Variants in KPNA3 observed in about 807,000 individuals in gnomAD.
KPNA3 encodes karyopherin subunit alpha 3.
Under a neutral mutation model 73.8 loss-of-function variants are expected in KPNA3, and 13 were observed. The observed-to-expected ratio is 0.18, with a 90% confidence interval of 0.11 to 0.28. The LOEUF is 0.28. Ranked by LOEUF, KPNA3 falls within the 10% of genes least tolerant of loss-of-function variation. The probability of loss-of-function intolerance (pLI) is 1.00; values close to 1 mark genes in which losing one functional copy is unlikely to be tolerated. For synonymous variants in KPNA3, 186 were observed against 206.9 expected (o/e 0.90, Z 0.87); for missense variants, 360 against 618.1 (o/e 0.58, Z 4.43).
At chr13:49,769,735 C>T (rs1302874895) in intron 1 of KPNA3, among the ~76,000 whole-genome samples, 1 of 152,190 alleles carries the variant, frequency 6.6e-6, no homozygotes, top group Non-Finnish European at 1.5e-5. Context: ...AATGCTATAA[C>T]AAGCATTCAT....
intron 15 of KPNA3, among the ~76,000 whole-genome samples, chr13:49,702,869 A>AT (rs1046212995): frequency 6.0e-5 from 9 of 150,144 alleles, no homozygotes; most frequent in South Asian, 2.1e-4. Context: ...TTACTAATCT[A>AT]TTTTTTTTTT....
At chr13:49,726,160 C>A (rs931603351) in intron 6 of KPNA3, among the ~76,000 whole-genome samples, 3 of 152,134 alleles carry the variant, frequency 2.0e-5, no homozygotes, top group Non-Finnish European at 4.4e-5. Flanking sequence ...CTAGTTGAGG[C>A]CCTCATCATC....
chr13:49,725,013 C>A (rs942412236), intron 7 of KPNA3, among the ~76,000 whole-genome samples: 1 of 152,186 alleles, frequency 6.6e-6, no homozygotes, highest in Non-Finnish European at 1.5e-5. Flanking sequence ...ACTATAATAA[C>A]GTACGTGGTG....
intron 7 of KPNA3, among the ~76,000 whole-genome samples, chr13:49,723,080 TCA>T (rs1954374812): frequency 2.0e-5 from 1 of 48,884 alleles, no homozygotes; most frequent in Non-Finnish European, 5.3e-5. Context: ...GTGCACTACC[TCA>T]TTTTTTTTTT....
chr13:49,723,981 T>C (rs1954385207), intron 7 of KPNA3, among the ~76,000 whole-genome samples: 1 of 152,184 alleles, frequency 6.6e-6, no homozygotes, highest in Non-Finnish European at 1.5e-5. Flanking sequence ...AACCATTAAA[T>C]ATCTGCTTTC....
intron 1 of KPNA3, among the ~76,000 whole-genome samples, chr13:49,763,345 A>G (rs1347538525): frequency 6.6e-6 from 1 of 152,202 alleles, no homozygotes; most frequent in Non-Finnish European, 1.5e-5. Context: ...GACAGGTCAG[A>G]AGAAACCGTC....
intron 5 of KPNA3, 60 bp from the exon 6 acceptor site, chr13:49,732,526 C>T (rs1954479630): frequency 6.9e-7 from 1 of 1,449,750 alleles, no homozygotes. Context: ...AAAGAAATAA[C>T]AACATATTAA....
chr13:49,773,440 ATATAAT>A (rs759662559), intron 1 of KPNA3, among the ~76,000 whole-genome samples: 1 of 152,186 alleles, frequency 6.6e-6, no homozygotes, highest in Non-Finnish European at 1.5e-5. Context: ...TTTTTCGATG[ATATAAT>A]TACCAATGTC....
intron 1 of KPNA3, among the ~76,000 whole-genome samples, chr13:49,756,668 C>A (rs1273682336): frequency 6.6e-6 from 1 of 152,120 alleles, no homozygotes; most frequent in Non-Finnish European, 1.5e-5. Flanking sequence ...TAATGCAATT[C>A]CTATCAAAAT....
rs1348216342 is a variant in KPNA3, at chr13:49,792,640, G to A, written c.-134C>T. On this transcript the variant is annotated 5_prime_UTR_variant, in exon 1 of 17. Coordinates refer to ENST00000261667, the MANE Select transcript of KPNA3 (RefSeq NM_002267.4). Reference sequence around the variant, plus strand: ...GAAGAGCACGTTCTGTGACGCCTCCGAGCGCGAGGTGGCAGTAGCGCCGGG... The same window carrying A: ...GAAGAGCACGTTCTGTGACGCCTCCAAGCGCGAGGTGGCAGTAGCGCCGGG... The A allele has an allele frequency of 2.0e-6, 1 of 505,678 alleles. No individual in the cohort carries two copies. The highest frequency in any genetic ancestry group is 3.3e-6 in the Non-Finnish European group (1 of 298,982). 31.3% of individuals were successfully genotyped at this position (505,678 alleles called of 1,614,324 possible).
At chr13:49,757,427 T>C (rs1954721194) in intron 1 of KPNA3, among the ~76,000 whole-genome samples, 1 of 152,112 alleles carries the variant, frequency 6.6e-6, no homozygotes, top group Non-Finnish European at 1.5e-5. Context: ...GATATACACA[T>C]GGCAAATAAG....
chr13:49,768,890 T>G (rs974113276), intron 1 of KPNA3, among the ~76,000 whole-genome samples: 1 of 152,164 alleles, frequency 6.6e-6, no homozygotes, highest in Non-Finnish European at 1.5e-5. Flanking sequence ...CCCACTAAGT[T>G]TCTTGCTGTT....
intron 1 of KPNA3, among the ~76,000 whole-genome samples, chr13:49,788,960 G>A (rs1955009149): frequency 3.3e-5 from 5 of 152,038 alleles, no homozygotes. Flanking sequence ...GGAGGAAGAG[G>A]GAGGAAGAAC....
intron 1 of KPNA3, among the ~76,000 whole-genome samples, chr13:49,763,705 G>T (rs1396641565): frequency 6.6e-6 from 1 of 152,086 alleles, no homozygotes; most frequent in Admixed American, 6.5e-5. Flanking sequence ...AGGCCTAGGT[G>T]GGCAGATCAT....
intron 2 of KPNA3, among the ~76,000 whole-genome samples, chr13:49,737,209 G>A (rs1482604521): frequency 6.6e-6 from 1 of 152,180 alleles, no homozygotes; most frequent in African/African-American, 2.4e-5. Flanking sequence ...CTTTCTCTGA[G>A]ATCAATGTCC....
Position 49,722,055 on chromosome 13 carries a change from CTGA to C in KPNA3, c.623_625del (p.Ile208del). The C allele has an allele frequency of 6.2e-7, 1 of 1,611,868 alleles. No homozygotes were observed. Among genetic ancestry groups the C allele is most frequent in the Non-Finnish European group, 8.5e-7 (1 of 1,178,594 alleles). On this transcript the variant is annotated inframe_deletion, in exon 9 of 17. Transcript: ENST00000261667. ...AAGGAAGGTGATGGGGATGGAGGGA[CTGA>C]TGAAGGACAGAAGAGGTTTGACAAC...
chr13:49,777,944 C>T (rs1186541705), intron 1 of KPNA3, among the ~76,000 whole-genome samples: 1 of 152,144 alleles, frequency 6.6e-6, no homozygotes, highest in African/African-American at 2.4e-5. Context: ...GCTTAGCCCA[C>T]ATAACCCACA....
At chr13:49,726,555 G>A (rs1217289552) in intron 6 of KPNA3, among the ~76,000 whole-genome samples, 1 of 152,114 alleles carries the variant, frequency 6.6e-6, no homozygotes, top group Non-Finnish European at 1.5e-5. Context: ...CTACAGATAT[G>A]CTAAGGATGG....
At chr13:49,751,776 C>T (rs773217545) in intron 1 of KPNA3, among the ~76,000 whole-genome samples, 11 of 152,008 alleles carry the variant, frequency 7.2e-5, no homozygotes, top group South Asian at 2.1e-4. Flanking sequence ...GGTGTGGTGG[C>T]GTGCACCTGT....
Sources: allele counts gnomAD v4.1 joint callset (sites outside exome capture counted in the v4.1 genomes callset), GRCh38; gene constraint gnomAD v4.1.1; transcripts MANE v1.5; gene names NCBI Gene and HGNC (gene_info 2026-07-23, HGNC 2026-07-21).